Variants in CRYBG3 observed in about 807,000 individuals in gnomAD.
CRYBG3 encodes very large A-kinase anchor protein.
In CRYBG3, 127 loss-of-function variants were observed where a neutral mutation model predicts 244.2. The ratio of observed to expected loss-of-function variants is 0.52; its 90% CI spans 0.45 to 0.60. The LOEUF (loss-of-function observed/expected upper bound fraction) is 0.60, where lower values mean the gene tolerates loss of function less well. Among genes scored for constraint, CRYBG3 ranks in the 20% least tolerant of loss-of-function variants. The pLI is 0.00. For missense variants in CRYBG3, 3,325 were observed against 3,442.5 expected (o/e 0.97, Z 0.85); for synonymous variants, 1,132 against 1,195.8 (o/e 0.95, Z 1.10).
chr3:97,910,995 G>C (rs963250872), intron 15 of CRYBG3, among the ~76,000 whole-genome samples: 1 of 152,200 alleles, frequency 6.6e-6, no homozygotes, highest in African/African-American at 2.4e-5. Context: ...GAAGTCCCTT[G>C]ATGTTTTAAT....
At chr3:97,889,754 A>G (rs1210293015) in intron 10 of CRYBG3, among the ~76,000 whole-genome samples, 4 of 152,170 alleles carry the variant, frequency 2.6e-5, no homozygotes, top group Non-Finnish European at 5.9e-5. Flanking sequence ...AGTGATGCTC[A>G]GGAACATGAT....
At chr3:97,852,422 G>A (rs2038999564) in intron 2 of CRYBG3, among the ~76,000 whole-genome samples, 2 of 152,134 alleles carry the variant, frequency 1.3e-5, no homozygotes, top group African/African-American at 4.8e-5. Flanking sequence ...TTAGAATGGT[G>A]TCCCTGAAAG....
chr3:97,833,717 A>G (rs2038689168), intron 1 of CRYBG3, among the ~76,000 whole-genome samples: 1 of 152,180 alleles, frequency 6.6e-6, no homozygotes, highest in African/African-American at 2.4e-5. Flanking sequence ...TCAAAGTATA[A>G]TAATAAAAAA....
At position 97,873,495 on chromosome 3, in the gene CRYBG3, C is replaced by G; in HGVS notation, c.2301C>G (p.Asn767Lys). 6.5e-7 allele frequency: 1 copy of G among 1,535,964 alleles called. No homozygotes were observed. Among genetic ancestry groups the G allele is most frequent in the East Asian group, 2.4e-5 (1 of 40,902 alleles). The change falls in exon 4 of 22, where the codon AAC (asparagine) becomes AAG (lysine). Residue 767 changes from asparagine to lysine, a missense_variant. Physicochemically the swap from Asn to Lys is moderately conservative, Grantham distance 94 (BLOSUM62 0). This residue lies in a region of CRYBG3 where 1,526 missense variants were observed against 1,443.2 expected (regional missense o/e 1.06). Transcript: ENST00000389622. ...GLELLSFDSGNLSKDCSSILS... is the reference protein window; with the variant it reads ...GLELLSFDSGKLSKDCSSILS... ...AGCTATTGAGCTTTGACTCTGGAAA[C>G]CTCTCTAAGGATTGCAGTTCCATTT...
chr3:97,857,417 GT>G lies in CRYBG3; in HGVS notation c.217-6783del, dbSNP rs1284270197. Among the ~76,000 whole-genome samples the G allele has an allele frequency of 5.8e-3, 764 of 130,980 alleles. 6 individuals carry two copies. The highest frequency in any genetic ancestry group is 0.011 in the South Asian group (44 of 3,978). The allele number at this position is 130,980 out of a possible 152,430, so 85.9% of individuals were successfully genotyped here. On this transcript the variant is annotated intron_variant, in intron 2 of 21. Transcript: ENST00000389622. Reference sequence around the variant, plus strand: ...GAAATTTAATCCGCGATTTCCTTAAGTTTTTTTTTTTTTTTTTGGTCTAGAT... The same window carrying G: ...GAAATTTAATCCGCGATTTCCTTAAGTTTTTTTTTTTTTTTTGGTCTAGAT...
rs990629999 is a variant in CRYBG3 at position 97,907,136 on chromosome 3, G to T, written c.8005-5031G>T. ...GGATAATCTTTTTGATGTGCTGCTGGATTCGGTTTGCCAGTATTTTATTGA... is the reference window on the plus strand; with the variant it reads ...GGATAATCTTTTTGATGTGCTGCTGTATTCGGTTTGCCAGTATTTTATTGA... On this transcript the variant is annotated intron_variant, in intron 15 of 21. Transcript: ENST00000389622. 4.1e-4 allele frequency among the ~76,000 whole-genome samples: 62 copies of T among 152,286 alleles called. 1 individual carries two copies. The highest frequency in any genetic ancestry group is 5.4e-4 in the Non-Finnish European group (37 of 68,020).
chr3:97,847,951 G>A (rs577583119), intron 2 of CRYBG3, among the ~76,000 whole-genome samples: 13 of 152,202 alleles, frequency 8.5e-5, no homozygotes, highest in East Asian at 1.9e-4. Context: ...ACAAAGAACC[G>A]CATTTTTTGT....
intron 17 of CRYBG3, among the ~76,000 whole-genome samples, chr3:97,932,013 C>A (rs2040103137): frequency 6.6e-6 from 1 of 151,910 alleles, no homozygotes; most frequent in South Asian, 2.1e-4. Flanking sequence ...TTAATAATAC[C>A]AATTTAAAAT....
intron 17 of CRYBG3, among the ~76,000 whole-genome samples, chr3:97,917,476 A>G (rs2039940521): frequency 6.6e-6 from 1 of 152,170 alleles, no homozygotes; most frequent in South Asian, 2.1e-4. Flanking sequence ...TATTTAAAAC[A>G]TCTTTTGCGA....
chr3:97,922,002 A>G (rs149777798), intron 17 of CRYBG3, among the ~76,000 whole-genome samples: 2 of 152,300 alleles, frequency 1.3e-5, no homozygotes, highest in African/African-American at 2.4e-5. Flanking sequence ...AAAACTTCAG[A>G]TAAAATTAAG....
At position 97,911,943 on chromosome 3, in the gene CRYBG3, G is replaced by A. The variant is rs139766562; in HGVS notation, c.8005-224G>A. Among the ~76,000 whole-genome samples, 9 of 152,268 alleles carry A rather than the reference G, an allele frequency of 5.9e-5. 1 individual carries two copies. The highest frequency in any genetic ancestry group is 2.2e-4 in the African/African-American group (9 of 41,546). ...CCACAATTTGGTGGAAGAGAGGCAA[G>A]AAAATGGTAAACAAACAGTGACATT... is the stretch of plus-strand genomic sequence containing the variant. On this transcript the variant is annotated intron_variant, in intron 15 of 21. Transcript: ENST00000389622.
Position 97,873,880 on chromosome 3 carries a change from G to C in CRYBG3, c.2686G>C (p.Glu896Gln). 2.0e-6 allele frequency: 3 copies of C among 1,535,892 alleles called. No homozygotes were observed. The highest frequency in any genetic ancestry group is 2.6e-6 in the Non-Finnish European group (3 of 1,146,806). Residue 896 changes from glutamate to glutamine, a missense_variant, in exon 4 of 22, where the codon GAG becomes CAG. Physicochemically the swap from Glu to Gln is conservative, Grantham distance 29 (BLOSUM62 2). This residue lies in a region of CRYBG3 where 1,526 missense variants were observed against 1,443.2 expected (regional missense o/e 1.06). Transcript: ENST00000389622. The part of the protein sequence containing the change: ...FQSINHNEIG[E>Q]KCSDAGLKEN... ...ATCAATTAATCATAATGAGATAGGAGAGAAATGTTCAGATGCTGGCCTTAA... is the reference window on the plus strand; with the variant it reads ...ATCAATTAATCATAATGAGATAGGACAGAAATGTTCAGATGCTGGCCTTAA...
At position 97,943,992 on chromosome 3, in the gene CRYBG3, G is replaced by C. The variant is rs1158994176; in HGVS notation, c.*678G>C. ...AAAAAAGTACAAATAAATAACCTAT[G>C]GCCAAACTTGCACTGTTACGTGTTA... On this transcript the variant is annotated 3_prime_UTR_variant, in exon 22 of 22. Transcript: ENST00000389622. The C allele has an allele frequency of 1.3e-5, 2 of 151,788 alleles. No individual in the cohort carries two copies. The highest frequency in any genetic ancestry group is 2.9e-5 in the Non-Finnish European group (2 of 67,894). The allele number at this position is 151,788 out of a possible 1,614,324, so 9.4% of individuals were successfully genotyped here.
intron 14 of CRYBG3, among the ~76,000 whole-genome samples, chr3:97,899,988 G>T (rs1327882893): frequency 6.6e-6 from 1 of 152,122 alleles, no homozygotes; most frequent in African/African-American, 2.4e-5. Flanking sequence ...TATTATAAGA[G>T]AATTCAGTAG....
At chr3:97,922,598 C>T (rs1400357603) in intron 17 of CRYBG3, among the ~76,000 whole-genome samples, 1 of 152,154 alleles carries the variant, frequency 6.6e-6, no homozygotes, top group Non-Finnish European at 1.5e-5. Context: ...TGCTCATCAT[C>T]ACTGGCCATC....
intron 15 of CRYBG3, among the ~76,000 whole-genome samples, 181 bp downstream of exon 15, chr3:97,900,666 A>G (rs896334523): frequency 1.4e-4 from 21 of 152,136 alleles, no homozygotes; most frequent in Admixed American, 5.9e-4. Context: ...GTTGTATTAG[A>G]CTGGGTTTGT....
rs532592783 is a variant in CRYBG3, at chr3:97,851,920, C to G, written c.216+8659C>G. Among the ~76,000 whole-genome samples, 4 of 152,276 alleles carry G rather than the reference C, an allele frequency of 2.6e-5. No homozygotes were observed. In the East Asian group the frequency reaches 7.7e-4, roughly 29 times the overall value. On this transcript the variant is annotated intron_variant, in intron 2 of 21. Transcript: ENST00000389622. ...CGGTTAGGCCACCGATAACACTATT[C>G]TAGGGGGCGCAGTTATGGTGATGGT...
chr3:97,852,993 A>T (rs1287863965), intron 2 of CRYBG3, among the ~76,000 whole-genome samples: 1 of 152,058 alleles, frequency 6.6e-6, no homozygotes, highest in Non-Finnish European at 1.5e-5. Context: ...GTCTGTTCAG[A>T]TTAATTGCCC....
chr3:97,917,349 T>C (rs777361678), intron 17 of CRYBG3, among the ~76,000 whole-genome samples: 2 of 152,178 alleles, frequency 1.3e-5, no homozygotes, highest in Non-Finnish European at 2.9e-5. Context: ...AAGGTGCCTA[T>C]TGGGAAGTAC....
Sources: allele counts gnomAD v4.1 joint callset (sites outside exome capture counted in the v4.1 genomes callset), GRCh38; gene constraint gnomAD v4.1.1; regional missense constraint gnomAD v4.1.1; transcripts MANE v1.5; gene names NCBI Gene and HGNC (gene_info 2026-07-23, HGNC 2026-07-21).